CLCN6: variants seen among roughly 807,000 people sequenced by gnomAD.
The protein encoded by CLCN6 is Cl-/H+ antiporter 6.
In CLCN6, 70 loss-of-function variants were observed where a neutral mutation model predicts 109.8. The observed-to-expected ratio is 0.64, with a 90% CI of 0.53 to 0.78. CLCN6 has a LOEUF of 0.78. Ranked by LOEUF, CLCN6 falls within the 30% of genes least tolerant of loss-of-function variation. The probability of loss-of-function intolerance (pLI) is 0.00; values close to 1 mark genes in which losing one functional copy is unlikely to be tolerated. For missense variants in CLCN6, 984 were observed against 1,142.3 expected (o/e 0.86, Z 2.00); for synonymous variants, 444 against 447.8 (o/e 0.99, Z 0.11).
intron 3 of CLCN6, 82 bp from the exon 4 acceptor site, chr1:11,816,533 A>G: frequency 3.8e-6 from 5 of 1,323,294 alleles, no homozygotes; most frequent in Non-Finnish European, 5.3e-6. Context: ...AATTTAGCTT[A>G]AAACTGGTTG....
At chr1:11,827,030 A>G (rs969766598) in intron 9 of CLCN6, 59 bp from the exon 10 acceptor site, 26 of 1,592,222 alleles carry the variant, frequency 1.6e-5, no homozygotes, top group Non-Finnish European at 2.1e-5. Flanking sequence ...GAAGTCAGAA[A>G]CCACCTTTTG....
At position 11,834,077 on chromosome 1, in the gene CLCN6, CGTGTGCGTGTGTATGCATGT is replaced by C; in HGVS notation, c.1526+59_1526+78del. 1 of 1,602,924 alleles carries C rather than the reference CGTGTGCGTGTGTATGCATGT, an allele frequency of 6.2e-7. No homozygotes were observed. Among genetic ancestry groups the C allele is most frequent in the East Asian group, 2.2e-5 (1 of 44,638 alleles). ...GTGTGCGCATGTGCATGTGTGTGCA[CGTGTGCGTGTGTATGCATGT>C]GTGTGCGTGTGCGTGCGTTGATGTG... On this transcript the variant is annotated intron_variant, in intron 15 of 22. Coordinates refer to ENST00000346436, the MANE Select transcript of CLCN6 (RefSeq NM_001286.5). The surrounding 1 kb of genome is among the most constrained non-coding windows in gnomAD (Gnocchi z 4.5).
chr1:11,830,461 G>A (rs369148168), intron 13 of CLCN6, among the ~76,000 whole-genome samples: 2 of 152,032 alleles, frequency 1.3e-5, no homozygotes, highest in Non-Finnish European at 2.9e-5. Context: ...CATTTACATT[G>A]TATTAGGGTA....
chr1:11,837,712 G>A (rs1212315385), intron 20 of CLCN6, among the ~76,000 whole-genome samples: 10 of 152,124 alleles, frequency 6.6e-5, no homozygotes, highest in Non-Finnish European at 1.2e-4. Flanking sequence ...TACAAAATCC[G>A]GGTGTCACCA....
intron 8 of CLCN6, among the ~76,000 whole-genome samples, chr1:11,825,689 C>G (rs957308098): frequency 6.6e-6 from 1 of 152,196 alleles, no homozygotes; most frequent in Non-Finnish European, 1.5e-5. Flanking sequence ...ATGGTGCCAT[C>G]TCTGCTCACT....
intron 5 of CLCN6, among the ~76,000 whole-genome samples, chr1:11,821,011 G>A (rs916667877): frequency 2.5e-4 from 38 of 151,668 alleles, no homozygotes; most frequent in African/African-American, 8.2e-4. Flanking sequence ...GGGAGACAGA[G>A]GCTGCAGTGA....
chr1:11,819,931 G>C (rs1644720408), intron 5 of CLCN6, among the ~76,000 whole-genome samples: 1 of 152,146 alleles, frequency 6.6e-6, no homozygotes, highest in South Asian at 2.1e-4. Flanking sequence ...AGGTGGACTT[G>C]ACCCTGTCAG....
intron 18 of CLCN6, among the ~76,000 whole-genome samples, chr1:11,836,480 TAAGA>T (rs1276569582): frequency 6.6e-6 from 1 of 152,038 alleles, no homozygotes; most frequent in African/African-American, 2.4e-5. Flanking sequence ...TCGACCTCCT[TAAGA>T]AAGAGAAAGA....
rs757917341 is a variant in CLCN6, at chr1:11,816,650, G to T, written c.249G>T (p.Val83=). Reference sequence around the variant, plus strand: ...GATATGAGGCGGTGAAGTGGATGGTGGTGTTTGCCATTGGAGTCTGCACTG... The same window carrying T: ...GATATGAGGCGGTGAAGTGGATGGTTGTGTTTGCCATTGGAGTCTGCACTG... ...GRRYEAVKWM[V]VFAIGVCTGL... The change falls in exon 4 of 23, where the codon GTG becomes GTT. Residue 83 remains valine (V), a synonymous_variant. Transcript: ENST00000346436. The T allele has an allele frequency of 6.2e-7, 1 of 1,613,190 alleles. No individual in the cohort carries two copies. The highest frequency in any genetic ancestry group is 8.5e-7 in the Non-Finnish European group (1 of 1,179,646).
intron 20 of CLCN6, 96 bp downstream of exon 20, chr1:11,837,595 A>T: frequency 7.9e-7 from 1 of 1,269,926 alleles, no homozygotes; most frequent in Middle Eastern, 2.0e-4. Flanking sequence ...CCATAGGGAA[A>T]GCTGAATGCA....
chr1:11,822,722 G>A lies in CLCN6; in HGVS notation c.374G>A (p.Cys125Tyr). Residue 125 changes from cysteine to tyrosine, a missense_variant, in exon 6 of 23, where the codon TGC becomes TAC. Transcript: ENST00000346436. ...TSVEECSQKG[C>Y]LALSLLELLG... ...GTGGAGGAGTGCAGCCAGAAAGGCT[G>A]CCTCGCTCTGTCTCTCCTTGAACTC... is the stretch of plus-strand genomic sequence containing the variant. 6.2e-7 allele frequency: 1 copy of A among 1,613,966 alleles called. No individual in the cohort carries two copies. Among genetic ancestry groups the A allele is most frequent in the Middle Eastern group, 1.7e-4 (1 of 6,004 alleles).
At chr1:11,820,949 G>A (rs1644732875) in intron 5 of CLCN6, among the ~76,000 whole-genome samples, 3 of 151,966 alleles carry the variant, frequency 2.0e-5, no homozygotes, top group African/African-American at 2.4e-5. Context: ...GGTGGCGGGT[G>A]CCTGTAATCC....
intron 13 of CLCN6, among the ~76,000 whole-genome samples, chr1:11,832,773 T>G (rs909998625): frequency 2.6e-5 from 4 of 152,264 alleles, no homozygotes; most frequent in African/African-American, 7.2e-5. Flanking sequence ...CGTTGTACAC[T>G]GTCAACTAGA....
intron 7 of CLCN6, 80 bp downstream of exon 7, chr1:11,823,913 A>G (rs1479546409): frequency 1.3e-6 from 2 of 1,571,234 alleles, no homozygotes; most frequent in African/African-American, 1.4e-5. Flanking sequence ...CAGTTATTAG[A>G]TTTGGACTGC....
At chr1:11,820,514 C>T in intron 5 of CLCN6, 2 of 587,668 alleles carry the variant, frequency 3.4e-6, no homozygotes, top group Non-Finnish European at 6.3e-6. Context: ...CGCCTGTAAT[C>T]CCAGCATTTT....
At position 11,819,399 on chromosome 1, in the gene CLCN6, A is replaced by G. The variant is rs547811767; in HGVS notation, c.280-89A>G. On this transcript the variant is annotated intron_variant, in intron 4 of 22. Coordinates refer to ENST00000346436, the MANE Select transcript of CLCN6 (RefSeq NM_001286.5). Reference sequence around the variant, plus strand: ...GCAGCCTCCGTATGTGCAGTGGGGGAGGAGATGCCTTCAAGAGGAGCACAC... The same window carrying G: ...GCAGCCTCCGTATGTGCAGTGGGGGGGGAGATGCCTTCAAGAGGAGCACAC... 1,775 of 1,143,604 alleles carry G rather than the reference A, an allele frequency of 1.6e-3. 6 individuals carry two copies. The highest frequency in any genetic ancestry group is 1.4e-3 in the Non-Finnish European group (1,063 of 751,198). The allele number at this position is 1,143,604 out of a possible 1,614,324, so 70.8% of individuals were successfully genotyped here.
At chr1:11,828,660 CGGCTCCCTGAGCTTGGTGT>C in intron 12 of CLCN6, 36 bp downstream of exon 12, 1 of 1,563,372 alleles carries the variant, frequency 6.4e-7, no homozygotes, top group Non-Finnish European at 8.7e-7. Context: ...GAGCCTGCTG[CGGCTCCCTGAGCTTGGTGT>C]GGGCCGCGCC....
At position 11,843,126 on chromosome 1, in the gene CLCN6, G is replaced by A. The variant is rs1261180094; in HGVS notation, c.*2903G>A. The A allele has an allele frequency of 1.3e-5, 2 of 152,092 alleles. No individual in the cohort carries two copies. The highest frequency in any genetic ancestry group is 2.4e-5 in the African/African-American group (1 of 41,412). 9.4% of individuals were successfully genotyped at this position (152,092 alleles called of 1,614,324 possible). A position where few individuals can be genotyped will look rare whatever the true frequency, so the allele number is the denominator to read the frequency against. ...AACATGTGAGAATAAAATGTCTTCTGTCTCCTCTGTCTCCTTTAGCCTTTT... is the reference window on the plus strand; with the variant it reads ...AACATGTGAGAATAAAATGTCTTCTATCTCCTCTGTCTCCTTTAGCCTTTT... On this transcript the variant is annotated 3_prime_UTR_variant, in exon 23 of 23. Coordinates refer to ENST00000346436, the MANE Select transcript of CLCN6 (RefSeq NM_001286.5).
chr1:11,836,208 A>G (rs564072360), intron 18 of CLCN6, 55 bp downstream of exon 18: 14 of 1,526,494 alleles, frequency 9.2e-6, no homozygotes, highest in Middle Eastern at 1.8e-4. Flanking sequence ...GTCCCGTCTC[A>G]CACGGCTTAG....
Sources: allele counts gnomAD v4.1 joint callset (sites outside exome capture counted in the v4.1 genomes callset), GRCh38; gene constraint gnomAD v4.1.1; non-coding constraint Gnocchi (gnomAD v3.1); transcripts MANE v1.5; gene names NCBI Gene and HGNC (gene_info 2026-07-23, HGNC 2026-07-21).